Variants in RFC1 observed in about 807,000 individuals in gnomAD.
RFC1 encodes A1 140 kDa subunit.
In RFC1, 37 loss-of-function variants were observed where a neutral mutation model predicts 137.4. The observed-to-expected ratio is 0.27, with a 90% CI of 0.21 to 0.35. The LOEUF is 0.35. RFC1 is among the 10% of genes least tolerant of loss of function. The probability of loss-of-function intolerance (pLI) is 1.00; values close to 1 mark genes in which losing one functional copy is unlikely to be tolerated. For synonymous variants in RFC1, 429 were observed against 455.7 expected (o/e 0.94, Z 0.75); for missense variants, 1,205 against 1,358.5 (o/e 0.89, Z 1.78).
At chr4:39,320,787 T>C in intron 8 of RFC1, 118 bp from the exon 9 acceptor site, 1 of 892,712 alleles carries the variant, frequency 1.1e-6, no homozygotes, top group South Asian at 2.2e-5. Context: ...AGGCCCAAAG[T>C]CCTAAAGTGT....
intron 4 of RFC1, among the ~76,000 whole-genome samples, chr4:39,335,276 G>A (rs1384427425): frequency 6.6e-6 from 1 of 152,218 alleles, no homozygotes; most frequent in African/African-American, 2.4e-5. Context: ...AAAGGTTCAT[G>A]TATGTGCCAA....
chr4:39,311,642 G>A, intron 11 of RFC1, 93 bp from the exon 12 acceptor site: 36 of 746,778 alleles, frequency 4.8e-5, no homozygotes, highest in South Asian at 2.4e-4. Flanking sequence ...CCTATTAGTA[G>A]GTGAAAAACC....
At chr4:39,325,146 A>G (rs2109680529) in intron 6 of RFC1, among the ~76,000 whole-genome samples, 1 of 152,282 alleles carries the variant, frequency 6.6e-6, no homozygotes, top group South Asian at 2.1e-4. Context: ...CCAGTTACAC[A>G]GGTTTAAATA....
At chr4:39,309,582 T>C (rs761621402) in intron 12 of RFC1, among the ~76,000 whole-genome samples, 3 of 152,182 alleles carry the variant, frequency 2.0e-5, no homozygotes, top group Non-Finnish European at 4.4e-5. Context: ...CAAAAGGCCA[T>C]ATATTCTAAT....
At chr4:39,324,117 T>C (rs1739649087) in intron 6 of RFC1, among the ~76,000 whole-genome samples, 1 of 152,074 alleles carries the variant, frequency 6.6e-6, no homozygotes, top group Admixed American at 6.5e-5. Flanking sequence ...ATAAACCAAA[T>C]GGCTGTATGC....
intron 4 of RFC1, chr4:39,341,664 C>T: frequency 4.4e-6 from 2 of 456,192 alleles, no homozygotes; most frequent in Non-Finnish European, 8.8e-6. Flanking sequence ...TTATTGTCTC[C>T]TCTAAGGGTT....
intron 21 of RFC1, among the ~76,000 whole-genome samples, chr4:39,298,482 C>T (rs1738157555): frequency 6.6e-6 from 1 of 152,062 alleles, no homozygotes; most frequent in African/African-American, 2.4e-5. Context: ...TCAAAAAGAA[C>T]GAATAACTCT....
chr4:39,345,560 A>T (rs1266332377), intron 2 of RFC1, 84 bp from the exon 3 acceptor site: 3 of 1,137,138 alleles, frequency 2.6e-6, no homozygotes, highest in Admixed American at 2.3e-5. Flanking sequence ...TCACTCTGTC[A>T]TCCAGGCTGG....
At chr4:39,298,315 A>T (rs1738146515) in intron 21 of RFC1, among the ~76,000 whole-genome samples, 1 of 100,000 alleles carries the variant, frequency 1.0e-5, no homozygotes, top group East Asian at 2.9e-4. Context: ...CTCAAAAAAA[A>T]AAAAAAAAAA....
rs1192768361 is a variant in RFC1 at position 39,303,169 on chromosome 4, G to A, written c.2111-18C>T. ...TGCTCCATCTGACCCAGGTTGAGGAGCAATGGGATGAGACAAAAACAAAAT... is the reference window on the plus strand; with the variant it reads ...TGCTCCATCTGACCCAGGTTGAGGAACAATGGGATGAGACAAAAACAAAAT... On this transcript the variant is annotated intron_variant, in intron 15 of 24. Coordinates refer to ENST00000349703, the MANE Select transcript of RFC1 (RefSeq NM_002913.5). 5 of 1,561,280 alleles carry A rather than the reference G, an allele frequency of 3.2e-6. No homozygotes were observed. The highest frequency in any genetic ancestry group is 4.4e-6 in the Non-Finnish European group (5 of 1,132,556).
Position 39,300,154 on chromosome 4 carries a change from A to T in RFC1, c.2691-16T>A. The T allele has an allele frequency of 1.2e-6, 2 of 1,611,958 alleles. No individual in the cohort carries two copies. The highest frequency in any genetic ancestry group is 2.2e-5 in the South Asian group (2 of 91,026). On this transcript the variant is annotated splice_polypyrimidine_tract_variant and intron_variant, in intron 20 of 24. Coordinates refer to ENST00000349703, the MANE Select transcript of RFC1 (RefSeq NM_002913.5). ...CATGTCACCCCTGCAGGAAAGAACCAGTCTGGATTATCCCACTCTCCACAC... is the reference window on the plus strand; with the variant it reads ...CATGTCACCCCTGCAGGAAAGAACCTGTCTGGATTATCCCACTCTCCACAC...
chr4:39,356,755 T>C lies in RFC1; in HGVS notation c.4-5279A>G, dbSNP rs1192811821. The stretch of plus-strand genomic sequence containing the variant: ...GTAGGACATTTCCTCTTCTTTAAAA[T>C]TTATTTTAAGTCAAACTAATAACTT... On this transcript the variant is annotated intron_variant, in intron 1 of 24. Transcript: ENST00000349703. Among the ~76,000 whole-genome samples, 3 of 152,212 alleles carry C rather than the reference T, an allele frequency of 2.0e-5. No homozygotes were observed. In the East Asian group the frequency reaches 5.8e-4, roughly 29 times the overall value.
At chr4:39,353,284 C>G (rs1054778507) in intron 1 of RFC1, among the ~76,000 whole-genome samples, 2 of 149,782 alleles carry the variant, frequency 1.3e-5, no homozygotes, top group Admixed American at 1.4e-4. Context: ...GCCTATAATC[C>G]ACCTGCTCTG....
At chr4:39,348,235 A>T (rs973104476) in intron 2 of RFC1, among the ~76,000 whole-genome samples, 1 of 151,564 alleles carries the variant, frequency 6.6e-6, no homozygotes, top group Non-Finnish European at 1.5e-5. Context: ...CAGCTTGGCC[A>T]ATATGGTAAA....
chr4:39,358,729 G>T (rs999788343), intron 1 of RFC1, among the ~76,000 whole-genome samples: 1 of 152,060 alleles, frequency 6.6e-6, no homozygotes, highest in Non-Finnish European at 1.5e-5. Context: ...TATTTTCCAC[G>T]GAAATACGAA....
Position 39,306,681 on chromosome 4 carries a change from C to T in RFC1, c.1906G>A (p.Gly636Ser), listed in dbSNP as rs147227437. The T allele has an allele frequency of 1.1e-3, 1,736 of 1,613,224 alleles. 1 individual carries two copies. Among genetic ancestry groups the T allele is most frequent in the Non-Finnish European group, 1.3e-3 (1,549 of 1,179,234 alleles). Reference sequence around the variant, plus strand: ...TTAAAACTAGAGCCATCATCTTTGCCGGAAAATTTACCAAACTTTGCTGCT... The same window carrying T: ...TTAAAACTAGAGCCATCATCTTTGCTGGAAAATTTACCAAACTTTGCTGCT... The part of the protein sequence containing the change: ...KKHAKFGKFS[G>S]KDDGSSFKAA... Residue 636 changes from glycine (G) to serine (S), a missense_variant, in exon 14 of 25, where the codon GGC becomes AGC. By Grantham distance (56) the Gly-to-Ser change is moderately conservative. Around this residue, in one of 3 missense-constraint regions of RFC1, gnomAD observed 962 missense variants for 1,035.3 expected, o/e 0.93. Coordinates refer to ENST00000349703, the MANE Select transcript of RFC1 (RefSeq NM_002913.5).
intron 1 of RFC1, among the ~76,000 whole-genome samples, chr4:39,353,432 G>C (rs368284294): frequency 1.7e-5 from 2 of 114,646 alleles, no homozygotes; most frequent in Admixed American, 1.8e-4. Flanking sequence ...TAAAAAAAAA[G>C]ATTAAAGACT....
intron 4 of RFC1, among the ~76,000 whole-genome samples, chr4:39,336,319 G>A (rs542577061): frequency 0.019 from 140 of 7,274 alleles, no homozygotes; most frequent in Middle Eastern, 0.5. Context: ...AAAGAGAAAG[G>A]CAGATCCACA....
At chr4:39,296,041 C>T (rs1190194561) in intron 21 of RFC1, 9 of 276,376 alleles carry the variant, frequency 3.3e-5, no homozygotes, top group South Asian at 2.9e-4. Flanking sequence ...CTCAACATAC[C>T]GGTTACCTCA....
Sources: allele counts gnomAD v4.1 joint callset (sites outside exome capture counted in the v4.1 genomes callset), GRCh38; gene constraint gnomAD v4.1.1; regional missense constraint gnomAD v4.1.1; transcripts MANE v1.5; gene names NCBI Gene and HGNC (gene_info 2026-07-23, HGNC 2026-07-21).